RPSA2: variants seen among roughly 807,000 people sequenced by gnomAD.
RPSA2 encodes small ribosomal subunit protein uS2B.
chr19:23,835,132 TATC>T, the RPSA2 span, among the ~76,000 whole-genome samples: 3 of 152,088 alleles, frequency 2.0e-5, no homozygotes, highest in Non-Finnish European at 4.4e-5. Context: ...GGGTCATTTT[TATC>T]ATCATAATAC....
At chr19:23,831,972 A>T in the RPSA2 span, 1 of 380,362 alleles carries the variant, frequency 2.6e-6, no homozygotes, top group South Asian at 2.5e-5. Flanking sequence ...AGTCCTACAA[A>T]TGTAAAAAAT....
chr19:23,830,438 C>A, the RPSA2 span, among the ~76,000 whole-genome samples: 1 of 152,210 alleles, frequency 6.6e-6, no homozygotes, highest in Non-Finnish European at 1.5e-5. Context: ...AGCCACCATG[C>A]CTGGCCTGGC....
At chr19:23,761,931 T>TCTCTCTCTCTCTCTC in the RPSA2 span, among the ~76,000 whole-genome samples, 6 of 61,690 alleles carry the variant, frequency 9.7e-5, no homozygotes, top group African/African-American at 4.5e-4. Flanking sequence ...TTTTTTTTTT[T>TCTCTCTCTCTCTCTC]TTTTGAGATG....
the RPSA2 span, among the ~76,000 whole-genome samples, chr19:23,870,086 C>T: frequency 6.6e-6 from 1 of 152,184 alleles, no homozygotes; most frequent in African/African-American, 2.4e-5. Flanking sequence ...TGTGATGCCA[C>T]CCCTGTTTGG....
At chr19:23,771,038 C>T in the RPSA2 span, among the ~76,000 whole-genome samples, 4 of 152,118 alleles carry the variant, frequency 2.6e-5, no homozygotes, top group Admixed American at 2.6e-4. Flanking sequence ...TATCCTGGGC[C>T]TCCTCTTTGT....
the RPSA2 span, among the ~76,000 whole-genome samples, chr19:23,817,136 C>G: frequency 6.6e-6 from 1 of 152,168 alleles, no homozygotes; most frequent in Non-Finnish European, 1.5e-5. Flanking sequence ...AATCCCAACA[C>G]TTTGGGAGGC....
chr19:23,812,922 T>C, the RPSA2 span, among the ~76,000 whole-genome samples: 1 of 152,318 alleles, frequency 6.6e-6, no homozygotes, highest in East Asian at 1.9e-4. Flanking sequence ...GTTTCTTAAA[T>C]CTATTTAAAT....
the RPSA2 span, among the ~76,000 whole-genome samples, chr19:23,867,829 C>CA: frequency 0.018 from 2,184 of 121,264 alleles, 39 homozygotes; most frequent in Admixed American, 0.068. Context: ...GACTCCGTCT[C>CA]AAAAAAAAAA....
chr19:23,758,630 T>G, the RPSA2 span: 8 of 1,529,076 alleles, frequency 5.2e-6, no homozygotes, highest in South Asian at 6.7e-5. Context: ...CCAAGTGGAC[T>G]GAGGCCGCCT....
the RPSA2 span, among the ~76,000 whole-genome samples, chr19:23,784,101 T>C: frequency 6.6e-6 from 1 of 152,248 alleles, no homozygotes; most frequent in African/African-American, 2.4e-5. Flanking sequence ...GATGTAATGA[T>C]GACTCTCATA....
chr19:23,832,466 A>C, the RPSA2 span: 2 of 491,076 alleles, frequency 4.1e-6, no homozygotes, highest in Non-Finnish European at 7.9e-6. Context: ...ACTGGAGAGA[A>C]ACCCAACAAA....
the RPSA2 span, among the ~76,000 whole-genome samples, chr19:23,816,068 TG>T: frequency 1.8e-4 from 28 of 151,952 alleles, no homozygotes; most frequent in Admixed American, 6.6e-5. Context: ...GGCAACATAC[TG>T]TTTGCTTTTT....
the RPSA2 span, among the ~76,000 whole-genome samples, chr19:23,857,758 GTGC>G: frequency 6.6e-6 from 1 of 152,016 alleles, no homozygotes; most frequent in Non-Finnish European, 1.5e-5. Context: ...GCCTCCCAAA[GTGC>G]TGGGATTGCA....
chr19:23,815,873 T>C, the RPSA2 span, among the ~76,000 whole-genome samples: 1 of 152,168 alleles, frequency 6.6e-6, no homozygotes, highest in African/African-American at 2.4e-5. Context: ...ATAATCATTA[T>C]AGATTTGTGG....
chr19:23,859,640 T>C, the RPSA2 span, among the ~76,000 whole-genome samples: 2 of 151,988 alleles, frequency 1.3e-5, no homozygotes, highest in African/African-American at 2.4e-5. Flanking sequence ...AAAAAAAAAA[T>C]TGAATTGCTT....
the RPSA2 span, chr19:23,818,457 C>A: frequency 1.0e-3 from 152 of 152,624 alleles, 1 homozygote; most frequent in Non-Finnish European, 1.8e-3. Flanking sequence ...GATTTTTAGA[C>A]AGCAATTAGT....
At chr19:23,790,201 C>T in the RPSA2 span, among the ~76,000 whole-genome samples, 1 of 151,948 alleles carries the variant, frequency 6.6e-6, no homozygotes, top group Non-Finnish European at 1.5e-5. Context: ...GTTTCACCAC[C>T]TTTGTCAGGC....
At chr19:23,822,237 C>T in the RPSA2 span, among the ~76,000 whole-genome samples, 5 of 152,196 alleles carry the variant, frequency 3.3e-5, no homozygotes, top group African/African-American at 4.8e-5. Flanking sequence ...CCTTTGCAGG[C>T]GCTGAAGCTG....
the RPSA2 span, chr19:23,842,709 AG>A: frequency 6.6e-6 from 1 of 152,242 alleles, no homozygotes; most frequent in African/African-American, 2.4e-5. Flanking sequence ...ATATACCCTA[AG>A]GCTTCTATTT....
Sources: gnomAD v4.1 joint callset for allele counts (sites outside exome capture counted in the v4.1 genomes callset) on GRCh38, gnomAD v4.1.1 for gene constraint, MANE v1.5 for transcripts, NCBI Gene and HGNC (gene_info 2026-07-23, HGNC 2026-07-21) for gene names.